The following RBFOX1 variants were observed in gnomAD, a reference collection of about 807,000 sequenced individuals.
The protein encoded by RBFOX1 is RNA binding protein fox-1 homolog 1.
A neutral mutation model predicts 57.7 loss-of-function variants in RBFOX1; 8 were observed. The ratio of observed to expected loss-of-function variants is 0.14; its 90% CI spans 0.08 to 0.25. The LOEUF is 0.25. Among genes scored for constraint, RBFOX1 ranks in the 10% least tolerant of loss-of-function variants. RBFOX1 has a pLI of 1.00. For synonymous variants in RBFOX1, 326 were observed against 222.4 expected (o/e 1.47, Z -4.15); for missense variants, 611 against 548.5 (o/e 1.11, Z -1.14).
intron 3 of RBFOX1, among the ~76,000 whole-genome samples, chr16:6,892,187 A>C (rs979525447): frequency 6.6e-6 from 1 of 152,088 alleles, no homozygotes; most frequent in East Asian, 1.9e-4. Context: ...ATTTTATGCA[A>C]AGTTAATGCC....
At chr16:7,584,030 G>C (rs968035556) in intron 6 of RBFOX1, among the ~76,000 whole-genome samples, 8 of 152,168 alleles carry the variant, frequency 5.3e-5, no homozygotes, top group Non-Finnish European at 2.9e-5. Context: ...ATGATGTTGT[G>C]AGTGAAGTCA....
chr16:7,684,389 GAGTAACT>G (rs1363099048), intron 14 of RBFOX1, among the ~76,000 whole-genome samples: 3 of 151,972 alleles, frequency 2.0e-5, no homozygotes, highest in Non-Finnish European at 2.9e-5. Flanking sequence ...AGAATAGAAG[GAGTAACT>G]AGTCACTTTT....
intron 3 of RBFOX1, among the ~76,000 whole-genome samples, chr16:6,883,834 C>T (rs2153348415): frequency 6.6e-6 from 1 of 151,302 alleles, no homozygotes; most frequent in Middle Eastern, 3.4e-3. Context: ...TCTTTTTTCC[C>T]CCTAGGAATT....
intron 3 of RBFOX1, among the ~76,000 whole-genome samples, chr16:5,864,277 C>G (rs756580720): frequency 2.6e-5 from 4 of 152,220 alleles, no homozygotes; most frequent in Non-Finnish European, 5.9e-5. Flanking sequence ...CTTGTTAACG[C>G]TAAAGTGGTA....
intron 2 of RBFOX1, among the ~76,000 whole-genome samples, chr16:5,546,015 T>C (rs1415181742): frequency 6.6e-6 from 1 of 152,166 alleles, no homozygotes; most frequent in East Asian, 1.9e-4. Flanking sequence ...AGCCATTGTA[T>C]TTCTATATAA....
chr16:5,752,866 T>C (rs1161293783), intron 3 of RBFOX1, among the ~76,000 whole-genome samples: 1 of 152,004 alleles, frequency 6.6e-6, no homozygotes, highest in Non-Finnish European at 1.5e-5. Flanking sequence ...GAAAGAAAAT[T>C]CACCCAGAAC....
At chr16:6,848,292 G>A (rs1477962239) in intron 3 of RBFOX1, among the ~76,000 whole-genome samples, 2 of 152,108 alleles carry the variant, frequency 1.3e-5, no homozygotes, top group African/African-American at 4.8e-5. Context: ...GGGAAGGTGG[G>A]CATAGTATGG....
rs1407430495 is a variant in RBFOX1, at chr16:5,548,171, AAAAATATATATAT to A, written c.259-50729_259-50717del. Among the ~76,000 whole-genome samples, 49 of 37,514 alleles carry A rather than the reference AAAAATATATATAT, an allele frequency of 1.3e-3. 1 individual carries two copies. Among genetic ancestry groups the A allele is most frequent in the South Asian group, 0.012 (6 of 492 alleles). The allele number at this position is 37,514 out of a possible 152,430, so 24.6% of individuals were successfully genotyped here. On this transcript the variant is annotated intron_variant, in intron 2 of 2. Coordinates refer to the RBFOX1 transcript ENST00000585867. ...GCAAGACTCTGTTAAAAAAAAAAAA[AAAAATATATATAT>A]ATATATATATATATATATATAGACA...
At chr16:7,536,885 C>G (rs1011225117) in intron 5 of RBFOX1, among the ~76,000 whole-genome samples, 49 of 152,276 alleles carry the variant, frequency 3.2e-4, no homozygotes, top group African/African-American at 1.1e-3. Context: ...GATCAGTTAC[C>G]AGCACTCCAG....
intron 4 of RBFOX1, among the ~76,000 whole-genome samples, chr16:7,439,280 G>T (rs1476206352): frequency 6.6e-6 from 1 of 151,888 alleles, no homozygotes; most frequent in Non-Finnish European, 1.5e-5. Flanking sequence ...TCAGGTGCCA[G>T]TGACGGTGAT....
rs141379696 is a variant in RBFOX1, at chr16:6,679,310, C to G, written c.-16+24660C>G. Among the ~76,000 whole-genome samples the G allele has an allele frequency of 1.6e-3, 248 of 152,094 alleles. No homozygotes were observed. In the East Asian group the frequency reaches 0.028, roughly 17 times the overall value. On this transcript the variant is annotated intron_variant, in intron 3 of 15. Transcript: ENST00000550418. ...TAAGCTAATCATGGTAAAGGTGACT[C>G]AAGGAGAAGATAACAATGACGAGCT...
intron 3 of RBFOX1, among the ~76,000 whole-genome samples, chr16:5,759,471 A>G (rs997994755): frequency 1.3e-5 from 2 of 152,242 alleles, no homozygotes; most frequent in African/African-American, 2.4e-5. Flanking sequence ...ACGCAGCTGT[A>G]TCAGGGCATT....
intron 1 of RBFOX1, among the ~76,000 whole-genome samples, chr16:5,292,898 C>G (rs1193120826): frequency 6.6e-6 from 1 of 152,034 alleles, no homozygotes; most frequent in Admixed American, 6.5e-5. Flanking sequence ...GCTGGGATTA[C>G]ACGTGTGAGC....
intron 1 of RBFOX1, among the ~76,000 whole-genome samples, chr16:6,158,897 C>G (rs896031271): frequency 7.4e-6 from 1 of 135,332 alleles, no homozygotes. Flanking sequence ...TGAAATTTCT[C>G]TGTCATAGGT....
chr16:7,265,534 C>T lies in RBFOX1; in HGVS notation c.27+213436C>T, dbSNP rs182992399. ...CACGATCTCAGCTCACTGTAACCTC[C>T]GCCTCCCGTGTTGAAGCGATTCTCC... On this transcript the variant is annotated intron_variant, in intron 4 of 15. Transcript: ENST00000550418. Among the ~76,000 whole-genome samples, 338 of 152,130 alleles carry T rather than the reference C, an allele frequency of 2.2e-3. 1 individual carries two copies. The highest frequency in any genetic ancestry group is 9.3e-3 in the East Asian group (48 of 5,164).
At chr16:5,407,255 CCT>C (rs2066892581) in intron 1 of RBFOX1, among the ~76,000 whole-genome samples, 1 of 152,160 alleles carries the variant, frequency 6.6e-6, no homozygotes, top group South Asian at 2.1e-4. Flanking sequence ...GATCCAGTCC[CCT>C]CCCACCAGGT....
At chr16:5,630,963 T>C (rs7203390) in intron 3 of RBFOX1, among the ~76,000 whole-genome samples, 7,117 of 152,272 alleles carry the variant, frequency 0.047, 575 homozygotes, top group African/African-American at 0.16. Context: ...ATGGCAACAT[T>C]TGACATTTAA....
At chr16:7,705,954 G>C (rs1026615316) in intron 14 of RBFOX1, among the ~76,000 whole-genome samples, 1 of 152,160 alleles carries the variant, frequency 6.6e-6, no homozygotes, top group Admixed American at 6.6e-5. Flanking sequence ...GCATGGTGTG[G>C]AGGATGACCA....
At chr16:7,145,741 G>A (rs888341500) in intron 4 of RBFOX1, among the ~76,000 whole-genome samples, 1 of 152,252 alleles carries the variant, frequency 6.6e-6, no homozygotes, top group South Asian at 2.1e-4. Context: ...TCTCCCAGTG[G>A]TATGGCCCTG....
Sources: allele counts gnomAD v4.1 joint callset (sites outside exome capture counted in the v4.1 genomes callset), GRCh38; gene constraint gnomAD v4.1.1; transcripts MANE v1.5; gene names NCBI Gene and HGNC (gene_info 2026-07-23, HGNC 2026-07-21).